Variants in TAB1 observed in about 807,000 individuals in gnomAD.
The protein encoded by TAB1 is TGF-beta activated kinase 1 (MAP3K7) binding protein 1, also known as TGF-beta-activated kinase 1 and MAP3K7-binding protein 1.
In TAB1, 30 loss-of-function variants were observed where a neutral mutation model predicts 54.5. The observed-to-expected ratio is 0.55, with a 90% CI of 0.41 to 0.75. TAB1 has a LOEUF of 0.75. Ranked by LOEUF, TAB1 falls within the 30% of genes least tolerant of loss-of-function variation. The pLI is 0.00. For synonymous variants in TAB1, 289 were observed against 286.9 expected (o/e 1.01, Z -0.07); for missense variants, 609 against 683.2 (o/e 0.89, Z 1.21).
chr22:39,427,034 G>A, intron 9 of TAB1, 109 bp downstream of exon 9: 1 of 1,002,420 alleles, frequency 1.0e-6, no homozygotes, highest in Non-Finnish European at 1.4e-6. Context: ...AGGAGGCCTG[G>A]CTCTGAGTGG....
chr22:39,408,511 T>A (rs949720699), intron 1 of TAB1, among the ~76,000 whole-genome samples: 20 of 152,268 alleles, frequency 1.3e-4, no homozygotes, highest in African/African-American at 4.6e-4. Context: ...TTTGTTTTTG[T>A]TTTTTGAGAC....
chr22:39,411,745 A>G (rs1023113243), intron 1 of TAB1, among the ~76,000 whole-genome samples: 8 of 152,244 alleles, frequency 5.3e-5, no homozygotes, highest in Non-Finnish European at 1.2e-4. Context: ...TGGATAAATG[A>G]AAAGTTACAT....
At chr22:39,436,308 A>G (rs1568990907), downstream of TAB1, among the ~76,000 whole-genome samples, 1 of 152,210 alleles carries the variant, frequency 6.6e-6, no homozygotes. Context: ...AAAGAAAAAA[A>G]AAAAGGAGTT....
At position 39,430,933 on chromosome 22, in the gene TAB1, G is replaced by A. The variant is rs1362015736; in HGVS notation, c.*711G>A. On this transcript the variant is annotated 3_prime_UTR_variant, in exon 11 of 11. Coordinates refer to ENST00000216160, the MANE Select transcript of TAB1 (RefSeq NM_006116.3). ...TCCCCAGAGCCAGGCGTGCGGGAGA[G>A]GTGAGGACTGGCCCCGGTGGGCTGA... The A allele has an allele frequency of 2.0e-6, 2 of 987,760 alleles. No individual in the cohort carries two copies. The highest frequency in any genetic ancestry group is 2.4e-6 in the Non-Finnish European group (2 of 831,524). The allele number at this position is 987,760 out of a possible 1,614,324, so 61.2% of individuals were successfully genotyped here. A position where few individuals can be genotyped will look rare whatever the true frequency, so the allele number is the denominator to read the frequency against.
At position 39,415,139 on chromosome 22, in the gene TAB1, T is replaced by G; in HGVS notation, c.167T>G (p.Phe56Cys). 1 of 1,581,964 alleles carries G rather than the reference T, an allele frequency of 6.3e-7. No individual in the cohort carries two copies. Among genetic ancestry groups the G allele is most frequent in the Non-Finnish European group, 8.6e-7 (1 of 1,160,134 alleles). Reference sequence around the variant, plus strand: ...CCGCCAGAGGACAGCTGGCTCAAGTTCAGGTGTGTGTGCCAGCATTTCTGT... The same window carrying G: ...CCGCCAGAGGACAGCTGGCTCAAGTGCAGGTGTGTGTGCCAGCATTTCTGT... ...SHPPEDSWLKFRSENNCFLYG... is the reference protein window; with the variant it reads ...SHPPEDSWLKCRSENNCFLYG... The change falls in exon 2 of 11, where the codon TTC becomes TGC. Residue 56 changes from phenylalanine (F) to cysteine (C), a missense_variant. Physicochemically the swap from Phe to Cys is radical, Grantham distance 205. Transcript: ENST00000216160. The surrounding 1 kb of genome is among the most constrained non-coding windows in gnomAD (Gnocchi z 4.9).
At chr22:39,416,192 G>T (rs1321226475) in intron 3 of TAB1, among the ~76,000 whole-genome samples, 3 of 152,170 alleles carry the variant, frequency 2.0e-5, no homozygotes, top group East Asian at 1.9e-4. Flanking sequence ...CCGGAGAGGG[G>T]TGGTGCCAGC....
intron 1 of TAB1, among the ~76,000 whole-genome samples, chr22:39,402,157 G>A (rs1218850598): frequency 6.6e-6 from 1 of 152,030 alleles, no homozygotes; most frequent in Non-Finnish European, 1.5e-5. Context: ...ATGTGTATGT[G>A]TGTTTTCTTG....
chr22:39,419,393 G>A, intron 6 of TAB1, 126 bp from the exon 7 acceptor site: 2 of 716,058 alleles, frequency 2.8e-6, no homozygotes, highest in Non-Finnish European at 4.5e-6. Flanking sequence ...AGGTGCCCTG[G>A]TGTTGTCTTC....
intron 1 of TAB1, among the ~76,000 whole-genome samples, chr22:39,411,773 C>T (rs1009518874): frequency 1.3e-5 from 2 of 152,218 alleles, no homozygotes; most frequent in Non-Finnish European, 2.9e-5. Context: ...AAAACCTGTA[C>T]ATGAATGTTT....
Position 39,418,735 on chromosome 22 carries a change from C to T in TAB1, c.554C>T (p.Thr185Ile), listed in dbSNP as rs772797678. 1.2e-6 allele frequency: 2 copies of T among 1,612,754 alleles called. No homozygotes were observed. Among genetic ancestry groups the T allele is most frequent in the East Asian group, 2.2e-5 (1 of 44,886 alleles). ...NNKLYVANVG[T>I]NRALLCKSTV... ...AGCTGTTCACATTCTGCCACAGGTA[C>T]AAACCGTGCACTTTTATGCAAATCG... The change falls in exon 6 of 11, where the codon ACA becomes ATA. Residue 185 changes from threonine to isoleucine, a missense_variant. Transcript: ENST00000216160.
Position 39,421,962 on chromosome 22 carries a change from G to T in TAB1, c.912G>T (p.Gln304His). ...TAGAGGCAGCCCATGGGCCTGGGCA[G>T]GCCAACCAGGTGAGTTGGGCCCAGC... is the stretch of plus-strand genomic sequence containing the variant. Reference protein sequence around the residue: ...KALEAAHGPGQANQEIAAMID... With the variant: ...KALEAAHGPGHANQEIAAMID... Residue 304 changes from glutamine (Q) to histidine (H), a missense_variant, in exon 8 of 11, where the codon CAG (glutamine) becomes CAT (histidine). Gln to His is a conservative substitution (Grantham distance 24). Coordinates refer to ENST00000216160, the MANE Select transcript of TAB1 (RefSeq NM_006116.3). 1 of 1,554,898 alleles carries T rather than the reference G, an allele frequency of 6.4e-7. No individual in the cohort carries two copies. The highest frequency in any genetic ancestry group is 1.2e-5 in the South Asian group (1 of 81,964).
chr22:39,410,978 T>C (rs112636134), intron 1 of TAB1, among the ~76,000 whole-genome samples: 3 of 152,294 alleles, frequency 2.0e-5, no homozygotes, highest in African/African-American at 7.2e-5. Context: ...ATCAAGAATG[T>C]AGTATTGGTG....
chr22:39,431,704 T>C lies in TAB1; in HGVS notation c.*1482T>C. ...CCTCGCTCACTCCCTCACTCCCCAC[T>C]TTGAAGCCATCTCTGTTCTGCAGGT... On this transcript the variant is annotated 3_prime_UTR_variant, in exon 11 of 11. Coordinates refer to ENST00000216160, the MANE Select transcript of TAB1 (RefSeq NM_006116.3). The C allele has an allele frequency of 3.0e-6, 3 of 985,438 alleles. No individual in the cohort carries two copies. Among genetic ancestry groups the C allele is most frequent in the Non-Finnish European group, 3.6e-6 (3 of 829,960 alleles). 61.0% of individuals were successfully genotyped at this position (985,438 alleles called of 1,614,324 possible).
At chr22:39,434,216 C>T (rs1199037481), downstream of TAB1, among the ~76,000 whole-genome samples, 1 of 152,256 alleles carries the variant, frequency 6.6e-6, no homozygotes, top group Non-Finnish European at 1.5e-5. Context: ...GAGACAGGTA[C>T]AGGTGACGGG....
intron 1 of TAB1, among the ~76,000 whole-genome samples, chr22:39,409,755 C>T (rs1313285439): frequency 6.6e-6 from 1 of 152,236 alleles, no homozygotes; most frequent in Non-Finnish European, 1.5e-5. Context: ...ACGCTGTGTC[C>T]CATTACCATG....
chr22:39,425,013 G>A (rs912749913), intron 8 of TAB1, among the ~76,000 whole-genome samples: 7 of 152,104 alleles, frequency 4.6e-5, no homozygotes, highest in Non-Finnish European at 1.0e-4. Context: ...CATATTCAGT[G>A]GGAACTGTGC....
chr22:39,417,988 C>G, intron 5 of TAB1, 139 bp downstream of exon 5: 1 of 1,123,374 alleles, frequency 8.9e-7, no homozygotes, highest in Non-Finnish European at 1.2e-6. Flanking sequence ...GGGTATGTCC[C>G]TCTCCACAGT....
Position 39,415,115 on chromosome 22 carries a change from C to T in TAB1, c.143C>T (p.Pro48Leu), listed in dbSNP as rs143512143. Residue 48 changes from proline (P) to leucine (L), a missense_variant, in exon 2 of 11, where the codon CCG becomes CTG. Physicochemically the swap from Pro to Leu is moderately conservative, Grantham distance 98. Transcript: ENST00000216160. This position sits in a 1 kb window ranked among gnomAD's most constrained non-coding sequence, Gnocchi z 4.9. Reference protein sequence around the residue: ...SADGKGTESHPPEDSWLKFRS... With the variant: ...SADGKGTESHLPEDSWLKFRS... ...GATGGCAAGGGCACTGAGAGCCACC[C>T]GCCAGAGGACAGCTGGCTCAAGTTC... 222 of 1,599,328 alleles carry T rather than the reference C, an allele frequency of 1.4e-4. 1 individual carries two copies. The East Asian group carries it at 3.7e-3, about 27-fold the overall frequency.
intron 7 of TAB1, 106 bp downstream of exon 7, chr22:39,419,736 G>A (rs906631624): frequency 3.5e-5 from 24 of 686,626 alleles, no homozygotes; most frequent in African/African-American, 2.5e-4. Context: ...GCAGTGAGCC[G>A]TGATCATGCC....
Sources: allele counts gnomAD v4.1 joint callset (sites outside exome capture counted in the v4.1 genomes callset), GRCh38; gene constraint gnomAD v4.1.1; non-coding constraint Gnocchi (gnomAD v3.1); transcripts MANE v1.5; gene names NCBI Gene and HGNC (gene_info 2026-07-23, HGNC 2026-07-21).